PARK7: variants seen among roughly 807,000 people sequenced by gnomAD.
PARK7 encodes Parkinsonism associated deglycase.
A neutral mutation model predicts 20.5 loss-of-function variants in PARK7; 14 were observed. The observed-to-expected ratio is 0.68, with a 90% CI of 0.45 to 1.07. The LOEUF (loss-of-function observed/expected upper bound fraction) is 1.07, where lower values mean the gene tolerates loss of function less well. PARK7 is among the 50% of genes least tolerant of loss of function. The pLI is 0.00. For synonymous variants in PARK7, 98 were observed against 84.3 expected, an observed-to-expected ratio of 1.16 and a Z score of -0.89; for missense variants, 234 against 238.1, an observed-to-expected ratio of 0.98 and a Z score of 0.11.
intron 2 of PARK7, among the ~76,000 whole-genome samples, chr1:7,964,245 G>A (rs1350599943): frequency 2.0e-5 from 3 of 152,168 alleles, no homozygotes; most frequent in Non-Finnish European, 4.4e-5. Flanking sequence ...CATTCTAAGT[G>A]CCGATAAACC....
intron 3 of PARK7, among the ~76,000 whole-genome samples, chr1:7,966,581 C>A (rs1406029964): frequency 6.6e-6 from 1 of 151,882 alleles, no homozygotes; most frequent in Non-Finnish European, 1.5e-5. Flanking sequence ...GCCTGTAGTT[C>A]TAGCTACTTA....
intron 6 of PARK7, among the ~76,000 whole-genome samples, chr1:7,981,370 G>A (rs939204508): frequency 6.6e-6 from 1 of 152,210 alleles, no homozygotes; most frequent in Non-Finnish European, 1.5e-5. Context: ...ACCAGAAAGT[G>A]AAGCTCTGAG....
chr1:7,969,204 A>G, intron 3 of PARK7, 141 bp from the exon 4 acceptor site: 1 of 680,956 alleles, frequency 1.5e-6, no homozygotes, highest in South Asian at 2.0e-5. Flanking sequence ...ATACACCTTA[A>G]TTTATTTAAC....
At position 7,984,396 on chromosome 1, in the gene PARK7, G is replaced by A. The variant is rs1186289994; in HGVS notation, c.410-498G>A. ...CGGAAGGAAAGTAGTCCTTGAGAGG[G>A]AATGTGGTTTCTACCTGCACACGCA... On this transcript the variant is annotated intron_variant, in intron 6 of 6. Transcript: ENST00000338639. The surrounding 1 kb of genome is among the most constrained non-coding windows in gnomAD (Gnocchi z 4.3). 6.6e-6 allele frequency among the ~76,000 whole-genome samples: 1 copy of A among 152,204 alleles called. No individual in the cohort carries two copies. Among genetic ancestry groups the A allele is most frequent in the Non-Finnish European group, 1.5e-5 (1 of 68,036 alleles).
At chr1:7,982,651 A>C (rs1640736674) in intron 6 of PARK7, among the ~76,000 whole-genome samples, 1 of 152,134 alleles carries the variant, frequency 6.6e-6, no homozygotes, top group African/African-American at 2.4e-5. Context: ...GCGTTGTCCC[A>C]CTCTCAGCTG....
At chr1:7,964,077 T>C (rs1640272910) in intron 2 of PARK7, among the ~76,000 whole-genome samples, 1 of 152,156 alleles carries the variant, frequency 6.6e-6, no homozygotes, top group Admixed American at 6.6e-5. Context: ...CCTCCCAAAG[T>C]GCTGTGATTA....
chr1:7,970,869 G>A, intron 4 of PARK7, 25 bp from the exon 5 acceptor site: 2 of 1,612,972 alleles, frequency 1.2e-6, no homozygotes, highest in East Asian at 2.2e-5. Flanking sequence ...ATAACTTTAT[G>A]TATTTTTGGT....
intron 6 of PARK7, 149 bp downstream of exon 6, chr1:7,977,887 G>C (rs1022893766): frequency 1.4e-5 from 9 of 644,222 alleles, no homozygotes; most frequent in African/African-American, 1.8e-5. Context: ...AGCCTCCTGA[G>C]TAGCTGGGAT....
Position 7,985,106 on chromosome 1 carries a change from C to A in PARK7, c.*52C>A. ...AGAAACAGGCCGTTAGGAATCCATT[C>A]TCACTGTGTTCGCTCTAAACAAAAC... is the stretch of plus-strand genomic sequence containing the variant. On this transcript the variant is annotated 3_prime_UTR_variant, in exon 7 of 7. Transcript: ENST00000338639. The A allele has an allele frequency of 1.3e-6, 2 of 1,594,520 alleles. No homozygotes were observed. The highest frequency in any genetic ancestry group is 1.1e-5 in the South Asian group (1 of 89,076).
chr1:7,962,169 G>C (rs1359351730), intron 1 of PARK7: 23 of 152,594 alleles, frequency 1.5e-4, no homozygotes, highest in Admixed American at 1.5e-3. Context: ...ACTCCGCGCA[G>C]AGAGACAGAT....
chr1:7,962,021 C>T (rs1219927800), intron 1 of PARK7: 4 of 152,298 alleles, frequency 2.6e-5, no homozygotes, highest in Non-Finnish European at 5.9e-5. Flanking sequence ...AATCTTCTGC[C>T]TAACCTCTCG....
intron 6 of PARK7, among the ~76,000 whole-genome samples, chr1:7,983,595 C>A (rs1236561558): frequency 6.6e-6 from 1 of 152,240 alleles, no homozygotes; most frequent in Non-Finnish European, 1.5e-5. Context: ...GCTCCAGGCC[C>A]CGTGACATGG....
intron 5 of PARK7, among the ~76,000 whole-genome samples, chr1:7,975,116 AGT>A (rs1482804779): frequency 6.6e-6 from 1 of 152,122 alleles, no homozygotes; most frequent in Non-Finnish European, 1.5e-5. Flanking sequence ...GGCCTCCCAA[AGT>A]GCTAGGATTA....
intron 5 of PARK7, among the ~76,000 whole-genome samples, chr1:7,976,799 AAAGCTCTGC>A (rs1213390236): frequency 2.0e-5 from 3 of 152,074 alleles, no homozygotes; most frequent in Non-Finnish European, 4.4e-5. Flanking sequence ...TGGCTCACTG[AAAGCTCTGC>A]CTCCCGGGTT....
intron 4 of PARK7, among the ~76,000 whole-genome samples, chr1:7,970,057 C>T (rs192068662): frequency 7.6e-4 from 116 of 151,970 alleles, no homozygotes; most frequent in South Asian, 6.2e-4. Flanking sequence ...TAGCTGGGCA[C>T]GGTGGTGCAC....
At chr1:7,972,943 A>T (rs950556871) in intron 5 of PARK7, among the ~76,000 whole-genome samples, 1 of 152,120 alleles carries the variant, frequency 6.6e-6, no homozygotes, top group Admixed American at 6.6e-5. Context: ...CCCAGCTATC[A>T]GGAGGCTGAG....
At chr1:7,977,228 G>A (rs755635559) in intron 5 of PARK7, among the ~76,000 whole-genome samples, 7 of 152,128 alleles carry the variant, frequency 4.6e-5, no homozygotes, top group Non-Finnish European at 8.8e-5. Flanking sequence ...AGGTGAGAGA[G>A]GTGAGCACAT....
chr1:7,975,210 AT>A (rs1177907255), intron 5 of PARK7, among the ~76,000 whole-genome samples: 1 of 152,216 alleles, frequency 6.6e-6, no homozygotes, highest in Non-Finnish European at 1.5e-5. Flanking sequence ...CACAAAGAAT[AT>A]TAGCCTAGTC....
chr1:7,971,017 T>TA, intron 5 of PARK7, 54 bp downstream of exon 5: 1 of 1,574,206 alleles, frequency 6.4e-7, no homozygotes, highest in Non-Finnish European at 8.7e-7. Flanking sequence ...GGGGTAGCCT[T>TA]TCATTCGATG....
Sources: allele counts gnomAD v4.1 joint callset (sites outside exome capture counted in the v4.1 genomes callset), GRCh38; gene constraint gnomAD v4.1.1; non-coding constraint Gnocchi (gnomAD v3.1); transcripts MANE v1.5; gene names NCBI Gene and HGNC (gene_info 2026-07-23, HGNC 2026-07-21).